SGCZ: variants seen among roughly 807,000 people sequenced by gnomAD.
SGCZ encodes the protein sarcoglycan zeta.
SGCZ carries 40 observed loss-of-function variants against 41.3 expected under a neutral mutation model. That is an observed-to-expected ratio of 0.97 (90% CI 0.75 to 1.26). The LOEUF is 1.26. SGCZ is among the 50% of genes most tolerant of loss of function. The pLI, the probability that SGCZ is intolerant of heterozygous loss-of-function variation, is 0.00. For synonymous variants in SGCZ, 206 were observed against 137.5 expected (o/e 1.50, Z -3.49); for missense variants, 552 against 369.8 (o/e 1.49, Z -4.04).
intron 4 of SGCZ, among the ~76,000 whole-genome samples, chr8:14,168,138 A>G (rs1804262840): frequency 6.6e-6 from 1 of 152,142 alleles, no homozygotes; most frequent in South Asian, 2.1e-4. Flanking sequence ...AGTATTTTCA[A>G]GGCCTTGAAG....
At chr8:14,675,801 C>T (rs111690474) in intron 1 of SGCZ, among the ~76,000 whole-genome samples, 1,930 of 152,190 alleles carry the variant, frequency 0.013, 36 homozygotes, top group African/African-American at 0.031. Context: ...TAAAAACAAG[C>T]AAGATGAGCT....
intron 1 of SGCZ, among the ~76,000 whole-genome samples, chr8:15,217,848 G>A (rs1801464198): frequency 6.6e-6 from 1 of 152,172 alleles, no homozygotes; most frequent in African/African-American, 2.4e-5. Context: ...AGCACTTTGG[G>A]AGGCTGAGTT....
intron 2 of SGCZ, among the ~76,000 whole-genome samples, chr8:14,469,584 C>G (rs73519402): frequency 0.012 from 1,808 of 152,032 alleles, 40 homozygotes; most frequent in African/African-American, 0.042. Flanking sequence ...TCTCTTTGTA[C>G]GCTACTGATG....
chr8:14,873,276 A>G (rs1312744711), intron 1 of SGCZ, among the ~76,000 whole-genome samples: 1 of 152,194 alleles, frequency 6.6e-6, no homozygotes, highest in East Asian at 1.9e-4. Context: ...AAAAGAGGAA[A>G]GAGCATAGAT....
chr8:15,034,513 G>C (rs184067334), intron 1 of SGCZ, among the ~76,000 whole-genome samples: 1 of 152,068 alleles, frequency 6.6e-6, no homozygotes, highest in Admixed American at 6.6e-5. Context: ...TTAAGGAGAA[G>C]AGAGAAATAA....
At position 14,088,574 on chromosome 8, in the gene SGCZ, T is replaced by C. The variant is rs747161426; in HGVS notation, c.*1869A>G. 1.1e-4 allele frequency among the ~76,000 whole-genome samples: 16 copies of C among 151,864 alleles called. No homozygotes were observed. The highest frequency in any genetic ancestry group is 1.9e-4 in the Non-Finnish European group (13 of 67,850). ...TCTTATTTTAATATAAATTAAACTC[T>C]TGTGTTATAACTTTGTAAGCAATCG... On this transcript the variant is annotated 3_prime_UTR_variant, in exon 8 of 8. Transcript: ENST00000382080.
chr8:14,722,323 G>T (rs1328298622), intron 1 of SGCZ, among the ~76,000 whole-genome samples: 1 of 151,866 alleles, frequency 6.6e-6, no homozygotes, highest in Non-Finnish European at 1.5e-5. Flanking sequence ...TATTGTCTTC[G>T]GTAGGAACAC....
At chr8:14,270,727 C>A (rs971242765) in intron 3 of SGCZ, among the ~76,000 whole-genome samples, 1 of 152,010 alleles carries the variant, frequency 6.6e-6, no homozygotes, top group Non-Finnish European at 1.5e-5. Flanking sequence ...TATTTCTATA[C>A]ATCATTTCTT....
chr8:14,864,460 G>C (rs911035274), intron 1 of SGCZ, among the ~76,000 whole-genome samples: 1 of 151,998 alleles, frequency 6.6e-6, no homozygotes, highest in East Asian at 1.9e-4. Flanking sequence ...ATATCTATTA[G>C]CATATAACAT....
intron 2 of SGCZ, among the ~76,000 whole-genome samples, chr8:14,552,514 C>G (rs377102854): frequency 1.3e-5 from 2 of 151,984 alleles, no homozygotes; most frequent in East Asian, 3.9e-4. Flanking sequence ...AGACATGCTT[C>G]AAAGGAAAAC....
chr8:15,142,597 G>C (rs994568731), intron 1 of SGCZ, among the ~76,000 whole-genome samples: 4 of 151,898 alleles, frequency 2.6e-5, no homozygotes, highest in African/African-American at 9.7e-5. Flanking sequence ...TTACCATCCA[G>C]TCTTATTCAA....
chr8:14,280,833 G>A (rs1280066173), intron 3 of SGCZ, among the ~76,000 whole-genome samples: 1 of 150,950 alleles, frequency 6.6e-6, no homozygotes, highest in African/African-American at 2.4e-5. Flanking sequence ...TTATATGAAA[G>A]GTGGTTTCAC....
At chr8:14,541,616 G>A (rs765543333) in intron 2 of SGCZ, among the ~76,000 whole-genome samples, 1 of 152,016 alleles carries the variant, frequency 6.6e-6, no homozygotes, top group Non-Finnish European at 1.5e-5. Flanking sequence ...CTTTATAGTA[G>A]AATAATACAT....
At chr8:15,084,595 T>C (rs1213887981) in intron 1 of SGCZ, among the ~76,000 whole-genome samples, 1 of 151,860 alleles carries the variant, frequency 6.6e-6, no homozygotes, top group Non-Finnish European at 1.5e-5. Context: ...CCACTAAAAA[T>C]ACAAAAATTA....
intron 1 of SGCZ, among the ~76,000 whole-genome samples, chr8:15,092,621 G>T (rs1024618985): frequency 2.6e-5 from 4 of 152,218 alleles, no homozygotes; most frequent in African/African-American, 7.2e-5. Context: ...AGATGTAAGA[G>T]AAAACAACTG....
At chr8:15,223,512 G>C (rs534799144) in intron 1 of SGCZ, among the ~76,000 whole-genome samples, 22 of 152,134 alleles carry the variant, frequency 1.4e-4, no homozygotes, top group Non-Finnish European at 2.8e-4. Flanking sequence ...ATTATTTAAC[G>C]TGTGTTTTAA....
At chr8:14,956,271 C>T (rs1800789747) in intron 1 of SGCZ, among the ~76,000 whole-genome samples, 1 of 151,938 alleles carries the variant, frequency 6.6e-6, no homozygotes, top group African/African-American at 2.4e-5. Flanking sequence ...ATCTCTTGAC[C>T]TCGTGATCCG....
chr8:15,209,879 C>A (rs1481590041), intron 1 of SGCZ, among the ~76,000 whole-genome samples: 1 of 152,286 alleles, frequency 6.6e-6, no homozygotes, highest in Non-Finnish European at 1.5e-5. Flanking sequence ...GCTTCTCCAA[C>A]TTTGCCAAGT....
intron 1 of SGCZ, among the ~76,000 whole-genome samples, chr8:15,101,969 A>C (rs1806631861): frequency 6.6e-6 from 1 of 152,168 alleles, no homozygotes; most frequent in Non-Finnish European, 1.5e-5. Flanking sequence ...AGAGTTTGGC[A>C]GTTTTCTACA....
Sources: gnomAD v4.1 joint callset for allele counts (sites outside exome capture counted in the v4.1 genomes callset) on GRCh38, gnomAD v4.1.1 for gene constraint, MANE v1.5 for transcripts, NCBI Gene and HGNC (gene_info 2026-07-23, HGNC 2026-07-21) for gene names.